LDLRAP1: variants seen among roughly 807,000 people sequenced by gnomAD.
LDLRAP1 encodes low density lipoprotein receptor adaptor protein 1, also known as low density lipoprotein receptor adapter protein 1.
Under a neutral mutation model 37.8 loss-of-function variants are expected in LDLRAP1, and 30 were observed. The ratio of observed to expected loss-of-function variants is 0.79; its 90% CI spans 0.59 to 1.08. LDLRAP1 has a LOEUF of 1.08. LDLRAP1 is among the 50% of genes least tolerant of loss of function. LDLRAP1 has a pLI of 0.00. For synonymous variants in LDLRAP1, 156 were observed against 169.8 expected, an observed-to-expected ratio of 0.92 and a Z score of 0.63; for missense variants, 375 against 401.6, an observed-to-expected ratio of 0.93 and a Z score of 0.57.
At chr1:25,573,753 T>C (rs1304166362), downstream of LDLRAP1, among the ~76,000 whole-genome samples, 1 of 152,170 alleles carries the variant, frequency 6.6e-6, no homozygotes, top group Non-Finnish European at 1.5e-5. Context: ...CTGATCGAGA[T>C]GTGAAAAGCT....
chr1:25,553,743 C>A, intron 1 of LDLRAP1, 179 bp from the exon 2 acceptor site: 1 of 709,586 alleles, frequency 1.4e-6, no homozygotes, highest in Non-Finnish European at 2.3e-6. Context: ...TGCACTCCAG[C>A]CTGAGTGACA....
chr1:25,584,948 A>G, the LDLRAP1 span, among the ~76,000 whole-genome samples: 1 of 152,110 alleles, frequency 6.6e-6, no homozygotes, highest in Non-Finnish European at 1.5e-5. Flanking sequence ...CAGGGCAGAG[A>G]ATGTTCTGAT....
rs916739880 is a variant in LDLRAP1, at chr1:25,543,628, C to T, written c.-71C>T. 2 of 1,089,620 alleles carry T rather than the reference C, an allele frequency of 1.8e-6. No individual in the cohort carries two copies. Among genetic ancestry groups the T allele is most frequent in the African/African-American group, 1.6e-5 (1 of 60,834 alleles). 67.5% of individuals were successfully genotyped at this position (1,089,620 alleles called of 1,614,324 possible). ...GGAGGAGCGCGCAGCCCGCGCGCCGCAGGGCCGGGCGGAAAGTTTTTCCTG... is the reference window on the plus strand; with the variant it reads ...GGAGGAGCGCGCAGCCCGCGCGCCGTAGGGCCGGGCGGAAAGTTTTTCCTG... On this transcript the variant is annotated 5_prime_UTR_variant, in exon 1 of 9. Transcript: ENST00000374338.
chr1:25,581,694 C>A, the LDLRAP1 span: 1 of 152,432 alleles, frequency 6.6e-6, no homozygotes, highest in African/African-American at 2.4e-5. Context: ...AAATGGAGAC[C>A]CCGGGAGGGG....
In LDLRAP1 at chr1:25,563,144, T is replaced by C. The variant is rs765065482; in HGVS notation, c.607T>C (p.Leu203=). 5 of 1,613,880 alleles carry C rather than the reference T, an allele frequency of 3.1e-6. No homozygotes were observed. The East Asian group carries it at 8.9e-5, about 29-fold the overall frequency. The change falls in exon 6 of 9, where the codon TTG becomes CTG. Residue 203 remains leucine (L), a synonymous_variant. Transcript: ENST00000374338. Reference sequence around the variant, plus strand: ...GGCCCGCCAAGACTGCACCCCCTCCTTGAAGAGCTGTGAGTCCTGACGGGG... The same window carrying C: ...GGCCCGCCAAGACTGCACCCCCTCCCTGAAGAGCTGTGAGTCCTGACGGGG... ...LGARQDCTPS[L]KSLVATGNLL...
intron 1 of LDLRAP1, among the ~76,000 whole-genome samples, chr1:25,552,925 G>A (rs2044107178): frequency 6.6e-6 from 1 of 152,184 alleles, no homozygotes; most frequent in Non-Finnish European, 1.5e-5. Flanking sequence ...GCCCAGAGAG[G>A]GGGGAATGTT....
At chr1:25,581,372 C>G in the LDLRAP1 span, 2 of 152,244 alleles carry the variant, frequency 1.3e-5, no homozygotes, top group African/African-American at 4.8e-5. Flanking sequence ...AGCACTGACA[C>G]AGGAGACTCC....
chr1:25,554,128 G>T lies in LDLRAP1; in HGVS notation c.231+64G>T. 1 of 1,595,872 alleles carries T rather than the reference G, an allele frequency of 6.3e-7. No homozygotes were observed. Among genetic ancestry groups the T allele is most frequent in the South Asian group, 1.1e-5 (1 of 90,632 alleles). On this transcript the variant is annotated intron_variant, in intron 2 of 8. Coordinates refer to ENST00000374338, the MANE Select transcript of LDLRAP1 (RefSeq NM_015627.3). The surrounding 1 kb of genome is among the most constrained non-coding windows in gnomAD (Gnocchi z 5.4). ...CCAAGGACCAGCTTCTTCCCAGGGT[G>T]CCCTCGTCCCAGCTTGTTACTCCAG...
chr1:25,585,330 TG>T, the LDLRAP1 span, among the ~76,000 whole-genome samples: 1 of 149,088 alleles, frequency 6.7e-6, no homozygotes, highest in Non-Finnish European at 1.5e-5. Flanking sequence ...TTTTATTTTT[TG>T]TTTTTTTTTT....
downstream of LDLRAP1, among the ~76,000 whole-genome samples, chr1:25,571,806 G>A (rs1445812312): frequency 6.6e-6 from 1 of 152,200 alleles, no homozygotes; most frequent in Non-Finnish European, 1.5e-5. Flanking sequence ...ATCAGATGGT[G>A]CGTTTGTGGC....
Position 25,565,196 on chromosome 1 carries a change from A to C in LDLRAP1, c.771A>C (p.Glu257Asp), listed in dbSNP as rs2044445441. The C allele has an allele frequency of 1.9e-6, 3 of 1,614,026 alleles. No individual in the cohort carries two copies. The highest frequency in any genetic ancestry group is 2.5e-6 in the Non-Finnish European group (3 of 1,180,014). ...AGGAGCTGGATGATGGCCTGGATGA[A>C]GCGTTTTCGAGGTAATGCTAGCTTC... ...VVWELDDGLD[E>D]AFSRLAQSRT... is the part of the protein sequence containing the mutation. Residue 257 changes from glutamate to aspartate, a missense_variant, in exon 8 of 9, where the codon GAA (glutamate) becomes GAC (aspartate). Physicochemically the swap from Glu to Asp is conservative, Grantham distance 45 (BLOSUM62 2). Coordinates refer to ENST00000374338, the MANE Select transcript of LDLRAP1 (RefSeq NM_015627.3).
chr1:25,573,302 G>A (rs926986018), downstream of LDLRAP1, among the ~76,000 whole-genome samples: 3 of 152,226 alleles, frequency 2.0e-5, no homozygotes, highest in Non-Finnish European at 4.4e-5. Context: ...TGAGGAAAGC[G>A]TTGCAGTCTA....
At chr1:25,577,983 G>A in the LDLRAP1 span, among the ~76,000 whole-genome samples, 3 of 152,220 alleles carry the variant, frequency 2.0e-5, no homozygotes, top group African/African-American at 7.2e-5. Flanking sequence ...CGGGAGCTCA[G>A]GGGGCATCTG....
chr1:25,570,718 G>A (rs1262349433), downstream of LDLRAP1, among the ~76,000 whole-genome samples: 1 of 152,120 alleles, frequency 6.6e-6, no homozygotes, highest in Non-Finnish European at 1.5e-5. Context: ...AATTAGCCAG[G>A]CGTGGTGGCG....
the LDLRAP1 span, among the ~76,000 whole-genome samples, chr1:25,589,003 C>A: frequency 6.6e-6 from 1 of 152,162 alleles, no homozygotes. Context: ...AGTGTTCCTT[C>A]CTCTAAGAAG....
At chr1:25,580,562 C>T in the LDLRAP1 span, among the ~76,000 whole-genome samples, 4 of 152,142 alleles carry the variant, frequency 2.6e-5, no homozygotes, top group South Asian at 2.1e-4. Context: ...GGCTGAAGTG[C>T]GGTGGCACAA....
intron 1 of LDLRAP1, among the ~76,000 whole-genome samples, chr1:25,547,782 A>T (rs1175990014): frequency 6.6e-6 from 1 of 152,214 alleles, no homozygotes; most frequent in African/African-American, 2.4e-5. Context: ...GCGGCCACTG[A>T]CAGCACCAGG....
At chr1:25,548,934 G>T (rs1349005351) in intron 1 of LDLRAP1, among the ~76,000 whole-genome samples, 1 of 152,088 alleles carries the variant, frequency 6.6e-6, no homozygotes, top group Non-Finnish European at 1.5e-5. Context: ...GGAATTACAG[G>T]CATGAGCCAC....
chr1:25,543,782 C>G lies in LDLRAP1; in HGVS notation c.84C>G (p.His28Gln), dbSNP rs1399919750. 1.7e-6 allele frequency: 2 copies of G among 1,207,110 alleles called. No homozygotes were observed. Among genetic ancestry groups the G allele is most frequent in the Non-Finnish European group, 2.1e-6 (2 of 971,750 alleles). 74.8% of individuals were successfully genotyped at this position (1,207,110 alleles called of 1,614,324 possible). ...AGAGCTGGGGGGGCGGTGGCCGGCA[C>G]CGCAGTGAGTGTGCGCGCGTCAGCC... ...AKQSWGGGGR[H>Q]RKLPENWTDT... Residue 28 changes from histidine to glutamine, a missense_variant, in exon 1 of 9, where the codon CAC becomes CAG. His to Gln is a conservative substitution (Grantham distance 24, BLOSUM62 0). Transcript: ENST00000374338.
Sources: gnomAD v4.1 joint callset for allele counts (sites outside exome capture counted in the v4.1 genomes callset) on GRCh38, gnomAD v4.1.1 for gene constraint, Gnocchi (gnomAD v3.1) non-coding constraint, MANE v1.5 for transcripts, NCBI Gene and HGNC (gene_info 2026-07-23, HGNC 2026-07-21) for gene names.